The following PARVB variants were observed in gnomAD, a reference collection of about 807,000 sequenced individuals.
PARVB encodes parvin beta.
Under a neutral mutation model 47.0 loss-of-function variants are expected in PARVB, and 46 were observed. That is an observed-to-expected ratio of 0.98 (90% CI 0.77 to 1.25). PARVB has a LOEUF of 1.25. Ranked by LOEUF, PARVB falls within the 50% of genes most tolerant of loss-of-function variation. PARVB has a pLI of 0.00. For synonymous variants in PARVB, 196 were observed against 196.3 expected, an observed-to-expected ratio of 1.00 and a Z score of 0.01; for missense variants, 473 against 471.6, an observed-to-expected ratio of 1.00 and a Z score of -0.03.
At chr22:44,056,891 C>T (rs1018419393) in intron 1 of PARVB, among the ~76,000 whole-genome samples, 2 of 149,646 alleles carry the variant, frequency 1.3e-5, no homozygotes, top group African/African-American at 2.5e-5. Flanking sequence ...ATGGCACCTG[C>T]TCTGTGCCCA....
At position 44,036,662 on chromosome 22, in the gene PARVB, T is replaced by TA. The variant is rs1340894421; in HGVS notation, c.112+12212dup. On this transcript the variant is annotated intron_variant, in intron 1 of 12. Coordinates refer to ENST00000338758, the MANE Select transcript of PARVB (RefSeq NM_013327.5). ...TCAAAGTAAAATCTAAATGAGTTTA[T>TA]ACTTGATATATATAAGTTTAATAGA... Among the ~76,000 whole-genome samples, 226 of 152,300 alleles carry TA rather than the reference T, an allele frequency of 1.5e-3. 2 individuals are homozygous for TA. Among genetic ancestry groups the TA allele is most frequent in the Non-Finnish European group, 5.9e-5 (4 of 68,034 alleles).
chr22:44,071,937 C>T (rs2051664056), intron 1 of PARVB, among the ~76,000 whole-genome samples: 1 of 152,222 alleles, frequency 6.6e-6, no homozygotes, highest in Non-Finnish European at 1.5e-5. Flanking sequence ...AGCTGGGCGG[C>T]CTCTTCTGCG....
chr22:44,024,187 C>T, upstream of PARVB: 1 of 251,120 alleles, frequency 4.0e-6, no homozygotes, highest in South Asian at 1.4e-4. Flanking sequence ...CAGCAGGCCT[C>T]GGGCATCCGG....
intron 1 of PARVB, among the ~76,000 whole-genome samples, chr22:44,042,427 G>C (rs528967760): frequency 4.6e-5 from 7 of 152,110 alleles, no homozygotes; most frequent in Non-Finnish European, 7.4e-5. Context: ...AAGTGAAGGG[G>C]CTGGGGCTTT....
Position 44,034,233 on chromosome 22 carries a change from A to T in PARVB, c.112+9782A>T, listed in dbSNP as rs528011889. Among the ~76,000 whole-genome samples the T allele has an allele frequency of 2.0e-5, 3 of 149,690 alleles. No individual in the cohort carries two copies. In the East Asian group the frequency reaches 5.8e-4, roughly 29 times the overall value. On this transcript the variant is annotated intron_variant, in intron 1 of 12. Coordinates refer to ENST00000338758, the MANE Select transcript of PARVB (RefSeq NM_013327.5). ...ATTATAAAGAATATATATTCTTTAT[A>T]CATATATATTTGAGATGGGTGTCTT...
chr22:44,017,603 T>C (rs1451082753), intron 2 of PARVB, among the ~76,000 whole-genome samples: 2 of 152,120 alleles, frequency 1.3e-5, no homozygotes, highest in East Asian at 1.9e-4. Flanking sequence ...AAATTAGCAA[T>C]AACCAAATGA....
intron 2 of PARVB, among the ~76,000 whole-genome samples, chr22:44,005,227 G>A (rs1263695850): frequency 6.6e-6 from 1 of 151,316 alleles, no homozygotes; most frequent in African/African-American, 2.4e-5. Context: ...AGCCTCCCAA[G>A]TAACTGAGAC....
At chr22:44,106,832 G>C (rs1014044937) in intron 3 of PARVB, 5 of 151,976 alleles carry the variant, frequency 3.3e-5, no homozygotes, top group Non-Finnish European at 7.3e-5. Flanking sequence ...CTTAGCTCTG[G>C]GTAAGCTAGG....
At chr22:44,157,144 C>T (rs2053952877) in intron 10 of PARVB, among the ~76,000 whole-genome samples, 1 of 152,180 alleles carries the variant, frequency 6.6e-6, no homozygotes, top group South Asian at 2.1e-4. Context: ...CTCCAGAGGC[C>T]CCCTGGAGAA....
intron 1 of PARVB, among the ~76,000 whole-genome samples, chr22:44,055,580 G>A (rs571966070): frequency 2.0e-4 from 30 of 152,104 alleles, no homozygotes; most frequent in South Asian, 1.9e-3. Flanking sequence ...TGATCCGCCC[G>A]CCTCGGCCTC....
At chr22:44,030,243 C>CAGTAG (rs2050801551) in intron 1 of PARVB, among the ~76,000 whole-genome samples, 1 of 152,216 alleles carries the variant, frequency 6.6e-6, no homozygotes, top group Non-Finnish European at 1.5e-5. Context: ...CCACTCAGGA[C>CAGTAG]AGTTTGAGGG....
At chr22:44,008,983 C>T (rs2050496027) in intron 2 of PARVB, among the ~76,000 whole-genome samples, 2 of 152,202 alleles carry the variant, frequency 1.3e-5, no homozygotes, top group South Asian at 4.2e-4. Context: ...AACGAGACTC[C>T]ATCTTAAAAA....
In PARVB at chr22:44,148,376, TG is replaced by T. The variant is rs1249861103; in HGVS notation, c.774+456del. On this transcript the variant is annotated intron_variant, in intron 9 of 12. Transcript: ENST00000338758. ...GCCCTCACTAGCCCAGGCAGCCTGC[TG>T]GTCAATCTGTGGATGGAAAAATCTC... 5.8e-5 allele frequency: 12 copies of T among 207,148 alleles called. No individual in the cohort carries two copies. In the East Asian group the frequency reaches 1.3e-3, roughly 23 times the overall value. The allele number at this position is 207,148 out of a possible 1,614,324, so 12.8% of individuals were successfully genotyped here.
At position 44,041,798 on chromosome 22, in the gene PARVB, T is replaced by C. The variant is rs149411829; in HGVS notation, c.112+17347T>C. 1.3e-3 allele frequency among the ~76,000 whole-genome samples: 196 copies of C among 151,854 alleles called. 3 individuals are homozygous for C. Among genetic ancestry groups the C allele is most frequent in the African/African-American group, 4.3e-3 (176 of 41,408 alleles). On this transcript the variant is annotated intron_variant, in intron 1 of 12. Coordinates refer to ENST00000338758, the MANE Select transcript of PARVB (RefSeq NM_013327.5). ...CTACCCCGGAGGCTGAGGGGGAGAA[T>C]GGCTTGAGCATGGAAGGCTGAGGCT...
chr22:44,167,022 C>T (rs1445414274), intron 12 of PARVB, among the ~76,000 whole-genome samples: 1 of 152,138 alleles, frequency 6.6e-6, no homozygotes, highest in East Asian at 1.9e-4. Flanking sequence ...TTGGTCCCCA[C>T]CCGGAGGAAG....
intron 3 of PARVB, chr22:44,111,466 T>G (rs1209173382): frequency 2.6e-5 from 2 of 77,110 alleles, no homozygotes; most frequent in Admixed American, 1.4e-4. Context: ...TTTTTTTTTT[T>G]TGAGACAGGG....
At chr22:44,147,418 G>A (rs1208435130) in intron 8 of PARVB, 3 of 337,288 alleles carry the variant, frequency 8.9e-6, no homozygotes, top group East Asian at 1.5e-4. Context: ...GCTCCCAGGC[G>A]AGGGGCAGTG....
At chr22:44,148,061 A>G in intron 9 of PARVB, 139 bp downstream of exon 9, 1 of 732,712 alleles carries the variant, frequency 1.4e-6, no homozygotes, top group Non-Finnish European at 2.4e-6. Context: ...ATGTAATTAC[A>G]GTCAAAAACC....
chr22:44,043,361 A>G (rs935734388), intron 1 of PARVB, among the ~76,000 whole-genome samples: 2 of 152,050 alleles, frequency 1.3e-5, no homozygotes, highest in Non-Finnish European at 2.9e-5. Context: ...AAATCATTGA[A>G]TTGTACACTT....
Sources: gnomAD v4.1 joint callset for allele counts (sites outside exome capture counted in the v4.1 genomes callset) on GRCh38, gnomAD v4.1.1 for gene constraint, MANE v1.5 for transcripts, NCBI Gene and HGNC (gene_info 2026-07-23, HGNC 2026-07-21) for gene names.